The following CARHSP1 variants were observed in gnomAD, a reference collection of about 807,000 sequenced individuals.
The protein encoded by CARHSP1 is calcium-regulated heat-stable protein 1.
CARHSP1 carries 14 observed loss-of-function variants against 12.5 expected under a neutral mutation model. That is an observed-to-expected ratio of 1.12 (90% CI 0.74 to 1.75). The LOEUF is 1.75. Among genes scored for constraint, CARHSP1 ranks in the 40% most tolerant of loss-of-function variants. CARHSP1 has a pLI of 0.00. For synonymous variants in CARHSP1, 161 were observed against 82.0 expected (o/e 1.96, Z -5.20); for missense variants, 343 against 201.6 (o/e 1.70, Z -4.25).
chr16:8,853,483 TGC>T lies in CARHSP1; in HGVS notation c.*1679_*1680del, dbSNP rs1485982063. 3 of 152,078 alleles carry T rather than the reference TGC, an allele frequency of 2.0e-5. No individual in the cohort carries two copies. The highest frequency in any genetic ancestry group is 4.4e-5 in the Non-Finnish European group (3 of 68,004). 9.4% of individuals were successfully genotyped at this position (152,078 alleles called of 1,614,324 possible). On this transcript the variant is annotated 3_prime_UTR_variant, in exon 4 of 4. Transcript: ENST00000311052. ...TGTCTCCACACACTCGCAATCAACATGCGTATTTGCTATTCTCAAACAACTCC... is the reference window on the plus strand; with the variant it reads ...TGTCTCCACACACTCGCAATCAACATGTATTTGCTATTCTCAAACAACTCC...
At chr16:8,858,583 A>C (rs1481693735) in intron 2 of CARHSP1, 111 bp from the exon 3 acceptor site, 9 of 1,334,120 alleles carry the variant, frequency 6.7e-6, no homozygotes, top group Non-Finnish European at 9.2e-6. Context: ...CAGGACCGCC[A>C]TGTACAGTCA....
At chr16:8,866,324 C>A (rs1480246210) in intron 1 of CARHSP1, 2 of 555,494 alleles carry the variant, frequency 3.6e-6, no homozygotes, top group Non-Finnish European at 4.6e-6. Flanking sequence ...AGCCGGGCTA[C>A]ACTGGCCCAT....
chr16:8,855,923 G>A (rs926293765), intron 3 of CARHSP1, among the ~76,000 whole-genome samples: 3 of 152,174 alleles, frequency 2.0e-5, no homozygotes, highest in Admixed American at 2.0e-4. Context: ...GAGTTCAAGT[G>A]ATTCTCCTGC....
At chr16:8,863,318 GC>G (rs2061401233) in intron 1 of CARHSP1, among the ~76,000 whole-genome samples, 1 of 151,660 alleles carries the variant, frequency 6.6e-6, no homozygotes, top group Non-Finnish European at 1.5e-5. Context: ...TCAATATGTT[GC>G]CCAGGCTGGT....
chr16:8,866,302 G>T (rs896416995), intron 1 of CARHSP1: 4 of 375,796 alleles, frequency 1.1e-5, no homozygotes, highest in African/African-American at 6.6e-5. Flanking sequence ...CTGACCCAGG[G>T]AACACGGCAG....
intron 1 of CARHSP1, chr16:8,866,335 C>T: frequency 1.4e-6 from 1 of 708,334 alleles, no homozygotes; most frequent in Non-Finnish European, 1.7e-6. Context: ...ACTGGCCCAT[C>T]TCACAGCCCA....
chr16:8,864,516 GAC>G (rs1458716704), intron 1 of CARHSP1, among the ~76,000 whole-genome samples: 1 of 152,222 alleles, frequency 6.6e-6, no homozygotes, highest in Non-Finnish European at 1.5e-5. Flanking sequence ...GGAGAACGGA[GAC>G]ACAAAGAGTC....
Position 8,855,150 on chromosome 16 carries a change from G to A in CARHSP1, c.*14C>T, listed in dbSNP as rs1158019049. The A allele has an allele frequency of 1.3e-6, 2 of 1,566,416 alleles. No individual in the cohort carries two copies. The highest frequency in any genetic ancestry group is 1.7e-6 in the Non-Finnish European group (2 of 1,151,856). On this transcript the variant is annotated 3_prime_UTR_variant, in exon 4 of 4. Coordinates refer to ENST00000311052, the MANE Select transcript of CARHSP1 (RefSeq NM_014316.4). ...CTCCCACAAGCACAGGACAAGGGGT[G>A]CTTCCACCATCTCCTAGGAGCTGAT... is the stretch of plus-strand genomic sequence containing the variant.
At chr16:8,867,062 C>T (rs2061466862) in intron 1 of CARHSP1, among the ~76,000 whole-genome samples, 1 of 152,096 alleles carries the variant, frequency 6.6e-6, no homozygotes, top group Non-Finnish European at 1.5e-5. Context: ...GGCGACCCCA[C>T]CCAGCAGGGA....
chr16:8,860,463 G>A (rs979552100), intron 1 of CARHSP1: 4 of 985,370 alleles, frequency 4.1e-6, no homozygotes, highest in Non-Finnish European at 4.8e-6. Flanking sequence ...TGAATATGAA[G>A]GTGTCGGCTC....
rs1046394953 is a variant in CARHSP1 at position 8,861,893 on chromosome 16, G to A, written c.-7-2558C>T. 4 of 993,302 alleles carry A rather than the reference G, an allele frequency of 4.0e-6. No individual in the cohort carries two copies. The South Asian group carries it at 5.3e-5, about 13-fold the overall frequency. The allele number at this position is 993,302 out of a possible 1,614,324, so 61.5% of individuals were successfully genotyped here. Reference sequence around the variant, plus strand: ...AGGCCTCCCAGGACAGCAGATGGGAGCAGTGGCCTCGCAACTCCACAGTTA... The same window carrying A: ...AGGCCTCCCAGGACAGCAGATGGGAACAGTGGCCTCGCAACTCCACAGTTA... On this transcript the variant is annotated intron_variant, in intron 1 of 3. Transcript: ENST00000311052.
At chr16:8,862,302 G>A (rs1210661935) in intron 1 of CARHSP1, among the ~76,000 whole-genome samples, 1 of 151,992 alleles carries the variant, frequency 6.6e-6, no homozygotes, top group Non-Finnish European at 1.5e-5. Flanking sequence ...ACACCATCAG[G>A]CTGAACTGAA....
intron 1 of CARHSP1, chr16:8,860,071 C>T (rs1233392100): frequency 2.2e-6 from 2 of 913,664 alleles, no homozygotes; most frequent in Non-Finnish European, 2.6e-6. Context: ...TGCTGGGAGC[C>T]AGACACCACA....
chr16:8,864,949 C>A (rs569751024), intron 1 of CARHSP1, among the ~76,000 whole-genome samples: 70 of 152,282 alleles, frequency 4.6e-4, no homozygotes, highest in African/African-American at 1.6e-3. Context: ...AATCATGCAG[C>A]CCCCATTACC....
chr16:8,862,057 C>T (rs991357533), intron 1 of CARHSP1, among the ~76,000 whole-genome samples: 13 of 137,676 alleles, frequency 9.4e-5, no homozygotes, highest in Non-Finnish European at 2.0e-4. Flanking sequence ...GGCTGGAGTG[C>T]AATGGCACAA....
intron 1 of CARHSP1, among the ~76,000 whole-genome samples, chr16:8,864,605 C>A (rs186354967): frequency 1.3e-5 from 2 of 152,152 alleles, no homozygotes; most frequent in Non-Finnish European, 2.9e-5. Context: ...AGAAATGCTA[C>A]GGAGAAAAAG....
intron 1 of CARHSP1, among the ~76,000 whole-genome samples, chr16:8,865,430 C>T (rs901068597): frequency 6.6e-6 from 1 of 152,194 alleles, no homozygotes; most frequent in East Asian, 1.9e-4. Flanking sequence ...TTCTTAATAG[C>T]TTCAGCCCCT....
chr16:8,856,351 G>C lies in CARHSP1; in HGVS notation c.282-1025C>G, dbSNP rs552923190. On this transcript the variant is annotated intron_variant, in intron 3 of 3. Coordinates refer to ENST00000311052, the MANE Select transcript of CARHSP1 (RefSeq NM_014316.4). ...ACTGGTTTGTTTTGATTGGAGAATC[G>C]TATGGTGAAGAGTGTTTCCCTCTTT... Among the ~76,000 whole-genome samples, 6 of 152,302 alleles carry C rather than the reference G, an allele frequency of 3.9e-5. No individual in the cohort carries two copies. The East Asian group carries it at 5.8e-4, about 15-fold the overall frequency.
chr16:8,856,133 C>T (rs895489570), intron 3 of CARHSP1, among the ~76,000 whole-genome samples: 1 of 152,124 alleles, frequency 6.6e-6, no homozygotes, highest in Non-Finnish European at 1.5e-5. Context: ...CAAGAAGGTC[C>T]CTTTGGTGCA....
Sources: allele counts gnomAD v4.1 joint callset (sites outside exome capture counted in the v4.1 genomes callset), GRCh38; gene constraint gnomAD v4.1.1; transcripts MANE v1.5; gene names NCBI Gene and HGNC (gene_info 2026-07-23, HGNC 2026-07-21).